HS6ST2: variants seen among roughly 807,000 people sequenced by gnomAD.
HS6ST2 encodes heparan sulfate 6-O-sulfotransferase 2, also known as heparan-sulfate 6-O-sulfotransferase 2.
In HS6ST2, 17 loss-of-function variants were observed where a neutral mutation model predicts 33.0. The ratio of observed to expected loss-of-function variants is 0.52; its 90% CI spans 0.35 to 0.77. The LOEUF (loss-of-function observed/expected upper bound fraction) is 0.77. Ranked by LOEUF, HS6ST2 falls within the 30% of genes least tolerant of loss-of-function variation. HS6ST2 has a pLI of 0.01. For missense variants in HS6ST2, 519 were observed against 551.7 expected (o/e 0.94, Z 0.59); for synonymous variants, 248 against 237.1 (o/e 1.05, Z -0.42).
intron 4 of HS6ST2, among the ~76,000 whole-genome samples, chrX:132,664,868 C>A (rs993149620): frequency 8.9e-6 from 1 of 111,921 alleles, no homozygotes; most frequent in African/African-American, 3.3e-5. Flanking sequence ...GAATGTCATA[C>A]GTAGATGTAG....
intron 2 of HS6ST2, among the ~76,000 whole-genome samples, chrX:132,944,387 A>G (rs190276651): frequency 9.2e-4 from 102 of 111,122 alleles, no homozygotes; most frequent in Admixed American, 6.7e-4. Flanking sequence ...TTCCATGCTC[A>G]TGGATAGGAA....
chrX:132,826,743 A>G (rs2065524634), intron 2 of HS6ST2, among the ~76,000 whole-genome samples: 1 of 110,458 alleles, frequency 9.1e-6, no homozygotes, highest in Non-Finnish European at 1.9e-5. Context: ...TTATTTTACC[A>G]CTGTTCTTTT....
chrX:132,779,683 G>C (rs895542134), intron 2 of HS6ST2, among the ~76,000 whole-genome samples: 1 of 108,859 alleles, frequency 9.2e-6, no homozygotes, highest in African/African-American at 3.5e-5. Flanking sequence ...CCCCTGCCAC[G>C]TCCAGAACAC....
At chrX:132,667,162 A>G (rs2063816024) in intron 4 of HS6ST2, among the ~76,000 whole-genome samples, 1 of 112,035 alleles carries the variant, frequency 8.9e-6, no homozygotes, top group African/African-American at 3.2e-5. Flanking sequence ...ACTAATGGAA[A>G]AAAAGAAAAA....
chrX:132,948,704 T>C (rs772852893), intron 2 of HS6ST2, among the ~76,000 whole-genome samples: 8 of 112,545 alleles, frequency 7.1e-5, no homozygotes, highest in Non-Finnish European at 1.3e-4. Context: ...TACTAAAGTT[T>C]AGACAAATAT....
intron 2 of HS6ST2, among the ~76,000 whole-genome samples, chrX:132,867,998 TAA>T (rs2066009176): frequency 8.9e-6 from 1 of 111,813 alleles, no homozygotes; most frequent in African/African-American, 3.3e-5. Context: ...GCAAATTGGA[TAA>T]AGAGTCAAGA....
At chrX:132,791,437 T>C (rs1000841601) in intron 2 of HS6ST2, among the ~76,000 whole-genome samples, 1 of 112,163 alleles carries the variant, frequency 8.9e-6, no homozygotes, top group African/African-American at 3.2e-5. Flanking sequence ...CTCTTCATAA[T>C]TCTCATCGCA....
At chrX:132,748,746 G>T (rs2064672807) in intron 2 of HS6ST2, among the ~76,000 whole-genome samples, 1 of 111,246 alleles carries the variant, frequency 9.0e-6, no homozygotes, top group African/African-American at 3.3e-5. Flanking sequence ...AGGACCACAG[G>T]TGTGTGCCAC....
intron 2 of HS6ST2, among the ~76,000 whole-genome samples, chrX:132,860,227 T>C (rs2065898334): frequency 1.8e-5 from 2 of 112,225 alleles, no homozygotes; most frequent in Admixed American, 1.9e-4. Flanking sequence ...TCTGAGCTTA[T>C]GAGTGGCATA....
chrX:132,832,736 T>C (rs1394794122), intron 2 of HS6ST2, among the ~76,000 whole-genome samples: 1 of 112,153 alleles, frequency 8.9e-6, no homozygotes, highest in Non-Finnish European at 1.9e-5. Flanking sequence ...ATATACACTG[T>C]TAGCCTTCTG....
intron 2 of HS6ST2, among the ~76,000 whole-genome samples, chrX:132,905,283 T>C (rs1285657913): frequency 1.4e-4 from 16 of 112,382 alleles, no homozygotes; most frequent in Non-Finnish European, 2.8e-4. Context: ...CAATGGCTTG[T>C]TGAAGAAGTT....
chrX:132,821,325 T>G (rs1006837975), intron 2 of HS6ST2, among the ~76,000 whole-genome samples: 6 of 107,059 alleles, frequency 5.6e-5, no homozygotes, highest in Admixed American at 1.0e-4. Flanking sequence ...CCATTCTCCT[T>G]CCTCAGCCTC....
chrX:132,648,233 T>C (rs977012693), intron 4 of HS6ST2, among the ~76,000 whole-genome samples: 1 of 111,450 alleles, frequency 9.0e-6, no homozygotes, highest in African/African-American at 3.3e-5. Flanking sequence ...CAGAGCTGAA[T>C]GGGGTTCACT....
intron 4 of HS6ST2, among the ~76,000 whole-genome samples, chrX:132,652,790 C>T (rs2063704138): frequency 9.1e-6 from 1 of 110,411 alleles, no homozygotes; most frequent in Non-Finnish European, 1.9e-5. Context: ...CGTATATTAG[C>T]TTACAGAAGC....
intron 2 of HS6ST2, among the ~76,000 whole-genome samples, chrX:132,899,346 A>G (rs1298165663): frequency 8.0e-5 from 9 of 111,845 alleles, no homozygotes. Flanking sequence ...TAGACTTAAC[A>G]TATAAGGACA....
rs193168747 is a variant in HS6ST2 at position 132,750,908 on chromosome X, C to T, written c.948-42414G>A. On this transcript the variant is annotated intron_variant, in intron 2 of 4. Transcript: ENST00000370833. ...AAACACCAGGCTGCGTGATCTGTTG[C>T]TACTCAGATCTTTGACAGCATAGCA... Among the ~76,000 whole-genome samples, 22 of 112,216 alleles carry T rather than the reference C, an allele frequency of 2.0e-4. No homozygotes were observed. In the East Asian group the frequency reaches 5.3e-3, roughly 27 times the overall value.
chrX:132,745,406 C>T (rs1470976689), intron 2 of HS6ST2, among the ~76,000 whole-genome samples: 1 of 111,471 alleles, frequency 9.0e-6, no homozygotes, highest in Non-Finnish European at 1.9e-5. Flanking sequence ...TTTTTTAAGA[C>T]CTGAAATTCT....
intron 4 of HS6ST2, among the ~76,000 whole-genome samples, chrX:132,666,925 T>A (rs978747556): frequency 1.8e-5 from 2 of 111,055 alleles, no homozygotes; most frequent in Admixed American, 1.9e-4. Context: ...GGTGGAGACA[T>A]CTACCTATCC....
At chrX:132,724,741 C>T (rs2064376006) in intron 2 of HS6ST2, among the ~76,000 whole-genome samples, 1 of 112,056 alleles carries the variant, frequency 8.9e-6, no homozygotes, top group Non-Finnish European at 1.9e-5. Context: ...AATCACACTA[C>T]TTGATTTCAA....
Sources: allele counts gnomAD v4.1 joint callset (sites outside exome capture counted in the v4.1 genomes callset), GRCh38; gene constraint gnomAD v4.1.1; transcripts MANE v1.5; gene names NCBI Gene and HGNC (gene_info 2026-07-23, HGNC 2026-07-21).